Variants in AEBP2 observed in about 807,000 individuals in gnomAD.
The protein encoded by AEBP2 is AE binding protein 2.
A neutral mutation model predicts 50.8 loss-of-function variants in AEBP2; 10 were observed. The ratio of observed to expected loss-of-function variants is 0.20; its 90% CI spans 0.12 to 0.33. The LOEUF is 0.33. Ranked by LOEUF, AEBP2 falls within the 10% of genes least tolerant of loss-of-function variation. The probability of loss-of-function intolerance (pLI) is 1.00; values close to 1 mark genes in which losing one functional copy is unlikely to be tolerated. For synonymous variants in AEBP2, 296 were observed against 261.3 expected (o/e 1.13, Z -1.28); for missense variants, 570 against 688.0 (o/e 0.83, Z 1.92).
intron 3 of AEBP2, among the ~76,000 whole-genome samples, chr12:19,473,665 C>G (rs1186953347): frequency 6.6e-6 from 1 of 152,186 alleles, no homozygotes; most frequent in African/African-American, 2.4e-5. Context: ...CTTGGCCACC[C>G]AAAGTGCTGG....
chr12:19,407,222 C>T (rs1013384781), intron 1 of AEBP2, among the ~76,000 whole-genome samples: 1 of 152,176 alleles, frequency 6.6e-6, no homozygotes, highest in African/African-American at 2.4e-5. Context: ...TATTTGAGCC[C>T]AGAAGTTCAA....
chr12:19,513,992 G>T (rs1385185851), intron 6 of AEBP2, among the ~76,000 whole-genome samples: 6 of 111,076 alleles, frequency 5.4e-5, no homozygotes, highest in South Asian at 3.0e-4. Context: ...TTTTGTTTCT[G>T]TTTTTTGTTT....
intron 5 of AEBP2, chr12:19,509,212 G>T (rs1178226116): frequency 2.7e-6 from 1 of 369,572 alleles, no homozygotes; most frequent in South Asian, 4.4e-5. Flanking sequence ...AGAAAATTGG[G>T]GTGTAAGTGT....
At chr12:19,414,447 A>G (rs1001519462) in intron 1 of AEBP2, among the ~76,000 whole-genome samples, 4 of 152,172 alleles carry the variant, frequency 2.6e-5, no homozygotes, top group African/African-American at 9.7e-5. Context: ...CTGAAATTGT[A>G]TGTGCATGTG....
At chr12:19,456,360 G>T in intron 1 of AEBP2, 1 of 1,381,224 alleles carries the variant, frequency 7.2e-7, no homozygotes, top group Non-Finnish European at 1.0e-6. Context: ...ATCATGAACA[G>T]CAGCGCGACC....
At chr12:19,482,610 A>G (rs1948746662) in intron 3 of AEBP2, among the ~76,000 whole-genome samples, 1 of 152,144 alleles carries the variant, frequency 6.6e-6, no homozygotes, top group Non-Finnish European at 1.5e-5. Flanking sequence ...GCTTGCCCTA[A>G]GTTGGCCTGG....
chr12:19,519,440 T>C lies in AEBP2; in HGVS notation c.*1323T>C, dbSNP rs1408190927. 1 of 152,558 alleles carries C rather than the reference T, an allele frequency of 6.6e-6. No homozygotes were observed. Among genetic ancestry groups the C allele is most frequent in the Non-Finnish European group, 1.5e-5 (1 of 67,960 alleles). 9.5% of individuals were successfully genotyped at this position (152,558 alleles called of 1,614,324 possible). On this transcript the variant is annotated 3_prime_UTR_variant, in exon 8 of 8. Coordinates refer to ENST00000266508, the MANE Select transcript of AEBP2 (RefSeq NM_153207.5). ...TAATATCTCTAAGAACAAAACACATTGAACATCCTTCCAGAAAGTCTTTGA... is the reference window on the plus strand; with the variant it reads ...TAATATCTCTAAGAACAAAACACATCGAACATCCTTCCAGAAAGTCTTTGA...
chr12:19,477,282 G>A (rs1479642700), intron 3 of AEBP2, among the ~76,000 whole-genome samples: 2 of 152,054 alleles, frequency 1.3e-5, no homozygotes, highest in East Asian at 3.9e-4. Flanking sequence ...TTACCTATTC[G>A]GATGTCCTTT....
chr12:19,484,250 A>ATTTTTTTTTTTTTTTTTT (rs59403434), intron 3 of AEBP2, among the ~76,000 whole-genome samples: 11 of 107,516 alleles, frequency 1.0e-4, no homozygotes, highest in Non-Finnish European at 1.5e-4. Flanking sequence ...CGCCCAGCCA[A>ATTTTTTTTTTTTTTTTTT]TTTTTTTTTT....
chr12:19,496,038 A>T (rs1169573698), intron 4 of AEBP2, among the ~76,000 whole-genome samples: 2 of 152,188 alleles, frequency 1.3e-5, no homozygotes, highest in Non-Finnish European at 2.9e-5. Context: ...CAAAAACCAG[A>T]TGACTTTTCC....
At chr12:19,467,955 C>T (rs1948507114) in intron 2 of AEBP2, among the ~76,000 whole-genome samples, 1 of 151,546 alleles carries the variant, frequency 6.6e-6, no homozygotes, top group Non-Finnish European at 1.5e-5. Context: ...TGAATGAGTC[C>T]AGTTAACTAT....
chr12:19,477,204 G>C (rs1020425429), intron 3 of AEBP2, among the ~76,000 whole-genome samples: 1 of 152,128 alleles, frequency 6.6e-6, no homozygotes, highest in African/African-American at 2.4e-5. Context: ...AAGCTTTTTG[G>C]ATGAGTCTTT....
At chr12:19,509,195 A>T (rs927724882) in intron 5 of AEBP2, 12 of 387,280 alleles carry the variant, frequency 3.1e-5, no homozygotes, top group Non-Finnish European at 5.4e-5. Context: ...TTTCCTTATT[A>T]AGGAGTAGAA....
intron 5 of AEBP2, among the ~76,000 whole-genome samples, chr12:19,504,080 G>A (rs78310748): frequency 0.021 from 3,230 of 152,150 alleles, 41 homozygotes; most frequent in East Asian, 0.043. Context: ...AAATGGAGGC[G>A]TGCTTGACAT....
intron 1 of AEBP2, among the ~76,000 whole-genome samples, chr12:19,416,499 A>G (rs2095742662): frequency 6.6e-6 from 1 of 151,616 alleles, no homozygotes; most frequent in Non-Finnish European, 1.5e-5. Flanking sequence ...TCCGTCTCCC[A>G]GGCTCAAGCG....
chr12:19,451,858 CA>C (rs937914785), intron 1 of AEBP2, among the ~76,000 whole-genome samples: 1 of 152,040 alleles, frequency 6.6e-6, no homozygotes, highest in African/African-American at 2.4e-5. Flanking sequence ...TGCATCACTG[CA>C]CCTGGCATTA....
upstream of AEBP2, among the ~76,000 whole-genome samples, chr12:19,438,269 A>G (rs1947881815): frequency 6.6e-6 from 1 of 152,230 alleles, no homozygotes; most frequent in Non-Finnish European, 1.5e-5. Flanking sequence ...CTGACAGATC[A>G]TTAAAAGTAT....
intron 2 of AEBP2, among the ~76,000 whole-genome samples, chr12:19,472,442 A>AT (rs1386220320): frequency 6.6e-6 from 1 of 152,202 alleles, no homozygotes; most frequent in Non-Finnish European, 1.5e-5. Context: ...TGGTAGGAAG[A>AT]TGATAAAGAT....
Position 19,439,629 on chromosome 12 carries a change from G to C in AEBP2, c.-71G>C. 1 of 1,485,692 alleles carries C rather than the reference G, an allele frequency of 6.7e-7. No individual in the cohort carries two copies. The highest frequency in any genetic ancestry group is 8.9e-7 in the Non-Finnish European group (1 of 1,121,030). 92.0% of individuals were successfully genotyped at this position (1,485,692 alleles called of 1,614,324 possible). A position where few individuals can be genotyped will look rare whatever the true frequency, so the allele number is the denominator to read the frequency against. The stretch of plus-strand genomic sequence containing the variant: ...GGAGTTTTGGGCGTTTGGGAGGGGG[G>C]CGAGGGAGAGAGAGTCGAGAGAGGG... On this transcript the variant is annotated 5_prime_UTR_variant, in exon 1 of 8. Transcript: ENST00000266508.
Sources: gnomAD v4.1 joint callset for allele counts (sites outside exome capture counted in the v4.1 genomes callset) on GRCh38, gnomAD v4.1.1 for gene constraint, MANE v1.5 for transcripts, NCBI Gene and HGNC (gene_info 2026-07-23, HGNC 2026-07-21) for gene names.